The following WSCD2 variants were observed in gnomAD, a reference collection of about 807,000 sequenced individuals.
The protein encoded by WSCD2 is WSC domain sialate O sulfotransferase 2, also known as sialate:O-sulfotransferase 2.
In WSCD2, 28 loss-of-function variants were observed where a neutral mutation model predicts 55.7. The observed-to-expected ratio is 0.50, with a 90% CI of 0.37 to 0.69. WSCD2 has a LOEUF of 0.69. Ranked by LOEUF, WSCD2 falls within the 30% of genes least tolerant of loss-of-function variation. WSCD2 has a pLI of 0.00. For synonymous variants in WSCD2, 301 were observed against 301.9 expected, an observed-to-expected ratio of 1.00 and a Z score of 0.03; for missense variants, 616 against 762.1, an observed-to-expected ratio of 0.81 and a Z score of 2.26.
At chr12:108,207,229 A>C (rs970160644) in intron 3 of WSCD2, among the ~76,000 whole-genome samples, 3 of 152,048 alleles carry the variant, frequency 2.0e-5, no homozygotes, top group African/African-American at 4.8e-5. Flanking sequence ...GTGGCTCATG[A>C]AGAGGCTCTA....
chr12:108,155,152 T>C (rs995549214), intron 1 of WSCD2, among the ~76,000 whole-genome samples: 1 of 152,174 alleles, frequency 6.6e-6, no homozygotes, highest in Non-Finnish European at 1.5e-5. Context: ...TTCCTAAGGT[T>C]AACTCCAGCT....
intron 1 of WSCD2, among the ~76,000 whole-genome samples, chr12:108,147,100 G>A (rs563860761): frequency 6.6e-6 from 1 of 152,294 alleles, no homozygotes; most frequent in South Asian, 2.1e-4. Context: ...TAACCGGCCT[G>A]GGAAACTGGA....
At chr12:108,155,190 A>G (rs369225047) in intron 1 of WSCD2, among the ~76,000 whole-genome samples, 19 of 152,288 alleles carry the variant, frequency 1.2e-4, no homozygotes, top group East Asian at 7.7e-4. Flanking sequence ...TGCTATTAGC[A>G]TATTAGTATG....
Position 108,163,923 on chromosome 12 carries a change from A to C in WSCD2, c.-551-31359A>C, listed in dbSNP as rs192310103. Among the ~76,000 whole-genome samples, 375 of 152,246 alleles carry C rather than the reference A, an allele frequency of 2.5e-3. 2 individuals are homozygous for C. The highest frequency in any genetic ancestry group is 8.6e-3 in the African/African-American group (357 of 41,542). ...CAGGAAACTAATATACTAAGCATGG[A>C]TAAAAAAAATTAAGGAAAGATACTA... is the stretch of plus-strand genomic sequence containing the variant. On this transcript the variant is annotated intron_variant, in intron 1 of 8. Coordinates refer to ENST00000547525, the MANE Select transcript of WSCD2 (RefSeq NM_014653.4).
At chr12:108,217,428 AG>A (rs1886971507) in intron 4 of WSCD2, among the ~76,000 whole-genome samples, 1 of 152,218 alleles carries the variant, frequency 6.6e-6, no homozygotes, top group African/African-American at 2.4e-5. Context: ...TTGCAGATGC[AG>A]GAAATGAGGG....
chr12:108,243,325 C>T (rs1889887032), intron 8 of WSCD2, among the ~76,000 whole-genome samples: 1 of 151,780 alleles, frequency 6.6e-6, no homozygotes, highest in Non-Finnish European at 1.5e-5. Flanking sequence ...GCAACCTCTG[C>T]TTCCCGGGTT....
chr12:108,222,881 C>A (rs1307263007), intron 4 of WSCD2, among the ~76,000 whole-genome samples: 1 of 152,202 alleles, frequency 6.6e-6, no homozygotes, highest in Admixed American at 6.5e-5. Context: ...TCTAGGGAAA[C>A]AGAACCAACA....
intron 4 of WSCD2, among the ~76,000 whole-genome samples, chr12:108,212,236 C>T (rs1463188748): frequency 6.6e-6 from 1 of 152,152 alleles, no homozygotes; most frequent in Non-Finnish European, 1.5e-5. Flanking sequence ...GTCACCTTTA[C>T]AACTGATCGC....
At chr12:108,240,024 AC>A (rs1231207110) in intron 7 of WSCD2, among the ~76,000 whole-genome samples, 1 of 152,152 alleles carries the variant, frequency 6.6e-6, no homozygotes, top group African/African-American at 2.4e-5. Flanking sequence ...CCTAGCTAGC[AC>A]CCAAGCATTA....
At chr12:108,153,627 T>TCCAA (rs1878238889) in intron 1 of WSCD2, among the ~76,000 whole-genome samples, 1 of 152,188 alleles carries the variant, frequency 6.6e-6, no homozygotes, top group Non-Finnish European at 1.5e-5. Flanking sequence ...TGCAGAAACC[T>TCCAA]AGAAAAATTA....
chr12:108,166,791 G>GTCTTTCTTTCTTTCTTTCTTTCTT (rs1221291538), intron 1 of WSCD2, among the ~76,000 whole-genome samples: 1 of 31,724 alleles, frequency 3.2e-5, no homozygotes, highest in African/African-American at 8.2e-5. Context: ...CTTTCTTTCT[G>GTCTTTCTTTCTTTCTTTCTTTCTT]TCTTTCTTTC....
Position 108,240,201 on chromosome 12 carries a change from G to C in WSCD2, c.1145-143G>C. On this transcript the variant is annotated intron_variant, in intron 7 of 8. Transcript: ENST00000547525. ...TCCCGGGGTCCTAGCACAGTGCCTG[G>C]CACATAGTAGGTGCTCAATAAATAC... 5 of 1,005,352 alleles carry C rather than the reference G, an allele frequency of 5.0e-6. No individual in the cohort carries two copies. In the South Asian group the frequency reaches 7.5e-5, roughly 15 times the overall value. 62.3% of individuals were successfully genotyped at this position (1,005,352 alleles called of 1,614,324 possible). A position where few individuals can be genotyped will look rare whatever the true frequency, so the allele number is the denominator to read the frequency against.
intron 4 of WSCD2, among the ~76,000 whole-genome samples, chr12:108,222,844 A>G (rs897545810): frequency 1.3e-5 from 2 of 152,236 alleles, no homozygotes; most frequent in East Asian, 1.9e-4. Context: ...AAAATTACCT[A>G]TATTCCTACT....
In WSCD2 at chr12:108,135,594, G is replaced by A. The variant is rs148284478; in HGVS notation, c.-552+5668G>A. On this transcript the variant is annotated intron_variant, in intron 1 of 8. Coordinates refer to ENST00000547525, the MANE Select transcript of WSCD2 (RefSeq NM_014653.4). ...AGCAATGCAGAGATAAGAGAAAGTA[G>A]GGGCCTCCAGATCCCAGATAGGGTG... Among the ~76,000 whole-genome samples the A allele has an allele frequency of 6.3e-3, 955 of 152,286 alleles. 16 individuals are homozygous for A. Among genetic ancestry groups the A allele is most frequent in the African/African-American group, 0.022 (907 of 41,560 alleles).
At chr12:108,162,387 G>A (rs1387559045) in intron 1 of WSCD2, among the ~76,000 whole-genome samples, 1 of 152,058 alleles carries the variant, frequency 6.6e-6, no homozygotes, top group Non-Finnish European at 1.5e-5. Context: ...TGGGCTGGGG[G>A]ATCCCCAGCC....
intron 1 of WSCD2, among the ~76,000 whole-genome samples, chr12:108,141,293 GTC>G (rs1487939740): frequency 6.6e-6 from 1 of 152,116 alleles, no homozygotes; most frequent in East Asian, 1.9e-4. Context: ...AAGAGATAGA[GTC>G]TCACTATATT....
intron 1 of WSCD2, among the ~76,000 whole-genome samples, chr12:108,182,053 C>A (rs969613089): frequency 6.6e-6 from 1 of 152,198 alleles, no homozygotes; most frequent in African/African-American, 2.4e-5. Flanking sequence ...TAACTGACAT[C>A]AAAACTCATG....
At chr12:108,142,684 T>C (rs1876957833) in intron 1 of WSCD2, among the ~76,000 whole-genome samples, 1 of 152,232 alleles carries the variant, frequency 6.6e-6, no homozygotes, top group African/African-American at 2.4e-5. Context: ...ATGAAATTTA[T>C]TGGCTTATAA....
intron 4 of WSCD2, 152 bp from the exon 5 acceptor site, chr12:108,224,587 A>T: frequency 1.0e-6 from 1 of 989,930 alleles, no homozygotes; most frequent in Non-Finnish European, 1.5e-6. Flanking sequence ...CAAGAACAGA[A>T]AACATGGCCA....
Sources: gnomAD v4.1 joint callset for allele counts (sites outside exome capture counted in the v4.1 genomes callset) on GRCh38, gnomAD v4.1.1 for gene constraint, MANE v1.5 for transcripts, NCBI Gene and HGNC (gene_info 2026-07-23, HGNC 2026-07-21) for gene names.